The following CCS variants were observed in gnomAD, a reference collection of about 807,000 sequenced individuals.
The protein encoded by CCS is copper chaperone for superoxide dismutase.
Under a neutral mutation model 35.5 loss-of-function variants are expected in CCS, and 32 were observed. The observed-to-expected ratio is 0.90, with a 90% CI of 0.68 to 1.21. The LOEUF is 1.21. Among genes scored for constraint, CCS ranks in the 50% most tolerant of loss-of-function variants. CCS has a pLI of 0.00. For synonymous variants in CCS, 130 were observed against 147.2 expected (o/e 0.88, Z 0.84); for missense variants, 342 against 375.4 (o/e 0.91, Z 0.73).
At chr11:66,596,169 T>G (rs1858473093) in intron 2 of CCS, among the ~76,000 whole-genome samples, 1 of 151,084 alleles carries the variant, frequency 6.6e-6, no homozygotes, top group African/African-American at 2.4e-5. Flanking sequence ...CCGGTTCATT[T>G]GATTCTCCCA....
Position 66,593,677 on chromosome 11 carries a change from T to C in CCS, c.75T>C (p.Cys25=), listed in dbSNP as rs1284262232. ...CGGTGCAGATGACCTGTCAGAGCTGTGTGGACGCGGTGCGCAAATCCCTGC... is the reference window on the plus strand; with the variant it reads ...CGGTGCAGATGACCTGTCAGAGCTGCGTGGACGCGGTGCGCAAATCCCTGC... The part of the protein sequence containing the change: ...EFAVQMTCQS[C]VDAVRKSLQG... Residue 25 remains cysteine (C), a synonymous_variant, in exon 2 of 8, where the codon TGT becomes TGC. Coordinates refer to ENST00000533244, the MANE Select transcript of CCS (RefSeq NM_005125.2). 12 of 1,614,048 alleles carry C rather than the reference T, an allele frequency of 7.4e-6. No homozygotes were observed. Among genetic ancestry groups the C allele is most frequent in the East Asian group, 6.7e-5 (3 of 44,892 alleles).
chr11:66,593,806 A>G, intron 2 of CCS, 92 bp downstream of exon 2: 1 of 1,158,694 alleles, frequency 8.6e-7, no homozygotes, highest in Non-Finnish European at 1.3e-6. Flanking sequence ...CCCATTTTAC[A>G]GATGCAGAAA....
chr11:66,600,366 G>A, intron 4 of CCS, 123 bp from the exon 5 acceptor site: 1 of 606,656 alleles, frequency 1.6e-6, no homozygotes, highest in East Asian at 3.0e-5. Flanking sequence ...GCCCAGCACA[G>A]AGTAGGCCTG....
chr11:66,605,208 G>T, intron 5 of CCS, 131 bp from the exon 6 acceptor site: 1 of 1,547,076 alleles, frequency 6.5e-7, no homozygotes, highest in African/African-American at 1.4e-5. Flanking sequence ...GATCCTACGA[G>T]ACTGGTACCC....
chr11:66,595,526 A>G (rs498045), intron 2 of CCS, among the ~76,000 whole-genome samples: 62,100 of 152,002 alleles, frequency 0.41, 15,091 homozygotes, highest in South Asian at 0.6. Context: ...GGGAAGCTGT[A>G]GTTTTCTAGA....
intron 2 of CCS, among the ~76,000 whole-genome samples, chr11:66,594,910 C>T (rs1324076754): frequency 6.6e-6 from 1 of 152,132 alleles, no homozygotes; most frequent in Non-Finnish European, 1.5e-5. Flanking sequence ...AGCATGCAAG[C>T]GTTGCCTGGA....
At chr11:66,598,095 A>AAATAAATTTAAAAAAATAG in intron 2 of CCS, among the ~76,000 whole-genome samples, 2 of 151,964 alleles carry the variant, frequency 1.3e-5, no homozygotes, top group East Asian at 3.9e-4. Context: ...AAAAAAAAAA[A>AAATAAATTTAAAAAAATAG]AGAAAAAAAA....
chr11:66,594,649 T>G (rs1171438930), intron 2 of CCS, among the ~76,000 whole-genome samples: 1 of 150,854 alleles, frequency 6.6e-6, no homozygotes, highest in African/African-American at 2.4e-5. Context: ...CATGGTGCAC[T>G]CCTGTAGTCC....
chr11:66,605,738 T>A lies in CCS; in HGVS notation c.708T>A (p.Leu236=), dbSNP rs1210411614. The A allele has an allele frequency of 6.2e-7, 1 of 1,602,674 alleles. No individual in the cohort carries two copies. Among genetic ancestry groups the A allele is most frequent in the Non-Finnish European group, 8.5e-7 (1 of 1,174,120 alleles). Residue 236 remains leucine (L), a synonymous_variant, in exon 8 of 8, where the codon CTT becomes CTA. Coordinates refer to ENST00000533244, the MANE Select transcript of CCS (RefSeq NM_005125.2). ...ACGIIARSAG[L]FQNPKQICSC... is the part of the protein sequence containing the mutation. ...GCATCATTGCACGCTCCGCTGGCCT[T>A]TTCCAGAACCCCAAGCAGATCTGCT...
chr11:66,605,444 T>G (rs935365543), intron 6 of CCS, 28 bp downstream of exon 6: 2 of 1,613,762 alleles, frequency 1.2e-6, no homozygotes, highest in African/African-American at 2.7e-5. Flanking sequence ...GTGGGCACCC[T>G]TCCTAACAGG....
intron 2 of CCS, among the ~76,000 whole-genome samples, chr11:66,598,164 A>G (rs1858510550): frequency 6.6e-6 from 1 of 151,894 alleles, no homozygotes; most frequent in South Asian, 2.1e-4. Context: ...TTGTACAACC[A>G]TCTCTCCACT....
At chr11:66,598,875 G>A (rs1858524478) in intron 2 of CCS, among the ~76,000 whole-genome samples, 1 of 152,110 alleles carries the variant, frequency 6.6e-6, no homozygotes, top group African/African-American at 2.4e-5. Flanking sequence ...ATAATGCCTG[G>A]CGTGTATTAG....
At chr11:66,604,743 A>G (rs999722349) in intron 5 of CCS, among the ~76,000 whole-genome samples, 3 of 152,122 alleles carry the variant, frequency 2.0e-5, no homozygotes, top group Non-Finnish European at 4.4e-5. Context: ...GACAATTTTT[A>G]TTACCGTCAA....
chr11:66,593,434 C>A, intron 1 of CCS, 134 bp downstream of exon 1: 2 of 1,053,422 alleles, frequency 1.9e-6, no homozygotes, highest in Non-Finnish European at 2.7e-6. Flanking sequence ...AACTAGGGTG[C>A]GAGGGTAGCA....
chr11:66,598,432 T>C lies in CCS; in HGVS notation c.113-684T>C, dbSNP rs868092848. Among the ~76,000 whole-genome samples, 20 of 148,516 alleles carry C rather than the reference T, an allele frequency of 1.3e-4. 2 individuals carry two copies. Among genetic ancestry groups the C allele is most frequent in the African/African-American group, 4.2e-4 (17 of 40,720 alleles). On this transcript the variant is annotated intron_variant, in intron 2 of 7. Coordinates refer to ENST00000533244, the MANE Select transcript of CCS (RefSeq NM_005125.2). ...GGGAGGCTAAGGCAGGAGAATCGCT[T>C]GAACCCGGGAGATGGAGGTTTCAGT... is the stretch of plus-strand genomic sequence containing the variant.
At position 66,599,599 on chromosome 11, in the gene CCS, G is replaced by A. The variant is rs368191906; in HGVS notation, c.391G>A (p.Val131Ile). The change falls in exon 4 of 8, where the codon GTC (valine) becomes ATC (isoleucine). Residue 131 changes from valine to isoleucine, a missense_variant. By Grantham distance (29) the Val-to-Ile change is conservative. Coordinates refer to ENST00000533244, the MANE Select transcript of CCS (RefSeq NM_005125.2). ...GGAGCCTGGGCTGCATGGACTCCAC[G>A]TCCATCAGTACGGGGACCTTACAAA... is the stretch of plus-strand genomic sequence containing the variant. Reference protein sequence around the residue: ...GLEPGLHGLHVHQYGDLTNNC... With the variant: ...GLEPGLHGLHIHQYGDLTNNC... The A allele has an allele frequency of 3.1e-6, 5 of 1,608,344 alleles. No homozygotes were observed. The highest frequency in any genetic ancestry group is 2.2e-5 in the East Asian group (1 of 44,698).
rs1310437641 is a variant in CCS, at chr11:66,603,940, T to A, written c.490-1399T>A. The stretch of plus-strand genomic sequence containing the variant: ...TACTCGGGAAGCTGAGACAGGAGAA[T>A]TGCTTGAACCTGGGGGGTGGGGAGG... On this transcript the variant is annotated intron_variant, in intron 5 of 7. Transcript: ENST00000533244. Among the ~76,000 whole-genome samples, 3 of 151,180 alleles carry A rather than the reference T, an allele frequency of 2.0e-5. No homozygotes were observed. In the East Asian group the frequency reaches 5.8e-4, roughly 29 times the overall value.
At chr11:66,603,720 C>G (rs879893144) in intron 5 of CCS, among the ~76,000 whole-genome samples, 1 of 152,196 alleles carries the variant, frequency 6.6e-6, no homozygotes, top group Non-Finnish European at 1.5e-5. Context: ...GTGGCGGGCG[C>G]CTGTAGTCCC....
chr11:66,599,092 C>T (rs771817185), intron 2 of CCS, 24 bp from the exon 3 acceptor site: 17 of 1,613,898 alleles, frequency 1.1e-5, no homozygotes, highest in Non-Finnish European at 1.3e-5. Context: ...CCTCTGTTGC[C>T]CTCTTCCCTC....
Sources: gnomAD v4.1 joint callset for allele counts (sites outside exome capture counted in the v4.1 genomes callset) on GRCh38, gnomAD v4.1.1 for gene constraint, MANE v1.5 for transcripts, NCBI Gene and HGNC (gene_info 2026-07-23, HGNC 2026-07-21) for gene names.